The following NAALADL2 variants were observed in gnomAD, a reference collection of about 807,000 sequenced individuals.
The protein encoded by NAALADL2 is inactive N-acetylated-alpha-linked acidic dipeptidase-like protein 2.
NAALADL2 carries 76 observed loss-of-function variants against 87.2 expected under a neutral mutation model. The observed-to-expected ratio is 0.87, with a 90% CI of 0.72 to 1.05. NAALADL2 has a LOEUF of 1.05. Among genes scored for constraint, NAALADL2 ranks in the 50% least tolerant of loss-of-function variants. The pLI is 0.00. For synonymous variants in NAALADL2, 354 were observed against 331.0 expected (o/e 1.07, Z -0.75); for missense variants, 1,089 against 945.8 (o/e 1.15, Z -1.99).
At chr3:174,605,006 G>A (rs1009840929) in intron 2 of NAALADL2, among the ~76,000 whole-genome samples, 2 of 152,016 alleles carry the variant, frequency 1.3e-5, no homozygotes, top group African/African-American at 2.4e-5. Flanking sequence ...ACCCACCTCA[G>A]CCTCCCAAAG....
At chr3:174,813,728 G>C in intron 3 of NAALADL2, among the ~76,000 whole-genome samples, 1 of 115,344 alleles carries the variant, frequency 8.7e-6, no homozygotes, top group East Asian at 2.0e-4. Flanking sequence ...TTACAAGCAC[G>C]ATCATAGTGC....
intron 6 of NAALADL2, chr3:175,459,973 A>G (rs1024272991): frequency 2.9e-5 from 9 of 311,948 alleles, no homozygotes; most frequent in African/African-American, 4.4e-5. Context: ...ACAGCCACAC[A>G]TTTTATCACA....
intron 9 of NAALADL2, among the ~76,000 whole-genome samples, chr3:175,516,489 T>C (rs916449101): frequency 6.6e-6 from 1 of 152,212 alleles, no homozygotes; most frequent in African/African-American, 2.4e-5. Flanking sequence ...GTTGAGATTT[T>C]CTAATTTAAA....
intron 13 of NAALADL2, among the ~76,000 whole-genome samples, chr3:175,765,862 C>T (rs558295875): frequency 3.3e-5 from 5 of 152,116 alleles, no homozygotes; most frequent in African/African-American, 1.2e-4. Flanking sequence ...TCTTATTATT[C>T]CCTTTATACA....
intron 2 of NAALADL2, among the ~76,000 whole-genome samples, chr3:174,661,287 GA>G (rs1402647311): frequency 6.6e-6 from 1 of 152,044 alleles, no homozygotes; most frequent in Non-Finnish European, 1.5e-5. Flanking sequence ...TATTATTACT[GA>G]ACTCATAACT....
chr3:174,526,249 G>A (rs1219791660), intron 1 of NAALADL2, among the ~76,000 whole-genome samples: 5 of 152,220 alleles, frequency 3.3e-5, no homozygotes, highest in African/African-American at 7.2e-5. Context: ...GGGCATACTG[G>A]CAATTCAGTG....
In NAALADL2 at chr3:175,248,675, T is replaced by C. The variant is rs148529250; in HGVS notation, c.820-7736T>C. Among the ~76,000 whole-genome samples the C allele has an allele frequency of 2.0e-3, 307 of 152,302 alleles. 1 individual carries two copies. Among genetic ancestry groups the C allele is most frequent in the African/African-American group, 7.1e-3 (294 of 41,554 alleles). ...GTGTGCCAATAACTGTTTTTGGTGC[T>C]CAGAACAGAAAGATTGCCGTGGCCA... On this transcript the variant is annotated intron_variant, in intron 3 of 13. Transcript: ENST00000454872.
chr3:175,796,633 G>A (rs763289515), intron 13 of NAALADL2, among the ~76,000 whole-genome samples: 4 of 152,184 alleles, frequency 2.6e-5, no homozygotes, highest in South Asian at 4.1e-4. Flanking sequence ...AGTACAGTTA[G>A]TATAATCCCT....
chr3:174,752,683 C>G (rs1734956560), intron 3 of NAALADL2, among the ~76,000 whole-genome samples: 1 of 151,738 alleles, frequency 6.6e-6, no homozygotes, highest in Admixed American at 6.6e-5. Context: ...ATATCCCATT[C>G]CTTTTCTCTC....
At position 175,706,389 on chromosome 3, in the gene NAALADL2, T is replaced by C. The variant is rs573365589; in HGVS notation, c.1897-30917T>C. Among the ~76,000 whole-genome samples, 153 of 152,260 alleles carry C rather than the reference T, an allele frequency of 1.0e-3. 1 individual carries two copies. The highest frequency in any genetic ancestry group is 3.4e-3 in the African/African-American group (143 of 41,560). On this transcript the variant is annotated intron_variant, in intron 11 of 13. Transcript: ENST00000454872. ...TTGTAAATTAGGCACAATAATAGAT[T>C]AGCAACGACAACTAATAATTAAATA...
chr3:175,465,208 C>G (rs573630515), intron 7 of NAALADL2, among the ~76,000 whole-genome samples: 2 of 147,870 alleles, frequency 1.4e-5, no homozygotes, highest in Non-Finnish European at 3.0e-5. Context: ...GCAGAGATCA[C>G]GCCACTGCAC....
chr3:175,520,022 AT>A (rs1334369284), intron 9 of NAALADL2, among the ~76,000 whole-genome samples: 1 of 152,176 alleles, frequency 6.6e-6, no homozygotes, highest in African/African-American at 2.4e-5. Flanking sequence ...GGTTTTAATT[AT>A]TCTTGCTAAT....
chr3:174,743,248 A>G (rs1404004353), intron 3 of NAALADL2, among the ~76,000 whole-genome samples: 1 of 151,674 alleles, frequency 6.6e-6, no homozygotes, highest in Non-Finnish European at 1.5e-5. Context: ...CTGTTTCTCA[A>G]CCGGGTCTTT....
At chr3:175,723,451 ATAT>A (rs1325722845) in intron 11 of NAALADL2, among the ~76,000 whole-genome samples, 10 of 152,162 alleles carry the variant, frequency 6.6e-5, no homozygotes, top group Non-Finnish European at 1.2e-4. Flanking sequence ...AAACATTTAG[ATAT>A]TATACTTTTT....
intron 3 of NAALADL2, among the ~76,000 whole-genome samples, chr3:174,783,713 T>C (rs1248341451): frequency 6.6e-6 from 1 of 152,182 alleles, no homozygotes; most frequent in Non-Finnish European, 1.5e-5. Flanking sequence ...GCATTTTCTG[T>C]CTGACTCTGA....
Position 175,275,566 on chromosome 3 carries a change from AGT to A in NAALADL2, c.939+19037_939+19038del, listed in dbSNP as rs1310103559. On this transcript the variant is annotated intron_variant, in intron 4 of 13. Transcript: ENST00000454872. ...TAACAACCATTTACAGGCAGATGGC[AGT>A]AAACTGTCTCCTTGTAACAAAATGA... Among the ~76,000 whole-genome samples, 527 of 152,266 alleles carry A rather than the reference AGT, an allele frequency of 3.5e-3. 1 individual carries two copies. Among genetic ancestry groups the A allele is most frequent in the African/African-American group, 0.012 (495 of 41,546 alleles).
chr3:175,162,545 T>C (rs968321437), intron 2 of NAALADL2, among the ~76,000 whole-genome samples: 4 of 152,160 alleles, frequency 2.6e-5, no homozygotes, highest in African/African-American at 7.2e-5. Flanking sequence ...TTCTTGTACA[T>C]AGCTAATACA....
At chr3:174,645,543 T>C (rs1723691346) in intron 2 of NAALADL2, among the ~76,000 whole-genome samples, 1 of 152,234 alleles carries the variant, frequency 6.6e-6, no homozygotes, top group Admixed American at 6.5e-5. Flanking sequence ...TTGGTAATGT[T>C]TTCTCCCTAC....
In NAALADL2 at chr3:175,248,500, C is replaced by T. The variant is rs73045249; in HGVS notation, c.820-7911C>T. Among the ~76,000 whole-genome samples the T allele has an allele frequency of 7.1e-3, 1,081 of 152,202 alleles. 9 individuals carry two copies. Among genetic ancestry groups the T allele is most frequent in the African/African-American group, 0.025 (1,031 of 41,532 alleles). ...GAGTCCCTAGCTAATTTCAACACAT[C>T]TTGTCTCACTTGAAGCTCCAAATAC... On this transcript the variant is annotated intron_variant, in intron 3 of 13. Coordinates refer to ENST00000454872, the MANE Select transcript of NAALADL2 (RefSeq NM_207015.3).
Sources: allele counts gnomAD v4.1 joint callset (sites outside exome capture counted in the v4.1 genomes callset), GRCh38; gene constraint gnomAD v4.1.1; transcripts MANE v1.5; gene names NCBI Gene and HGNC (gene_info 2026-07-23, HGNC 2026-07-21).